Variants in USP28 observed in about 807,000 individuals in gnomAD.
The protein encoded by USP28 is ubiquitin specific peptidase 28.
In USP28, 113 loss-of-function variants were observed where a neutral mutation model predicts 145.0. The ratio of observed to expected loss-of-function variants is 0.78; its 90% CI spans 0.67 to 0.91. The LOEUF is 0.91. Among genes scored for constraint, USP28 ranks in the 40% least tolerant of loss-of-function variants. The pLI, the probability that USP28 is intolerant of heterozygous loss-of-function variation, is 0.00. For synonymous variants in USP28, 447 were observed against 450.9 expected (o/e 0.99, Z 0.11); for missense variants, 1,201 against 1,289.6 (o/e 0.93, Z 1.05).
exon 7 of USP28, chr11:113,833,448 C>G (rs759816464): frequency 1.2e-6 from 2 of 1,613,986 alleles, no homozygotes; most frequent in Admixed American, 1.7e-5. Flanking sequence ...TCGGAATGCT[C>G]CCTTTAATAG....
chr11:113,817,563 T>C, intron 13 of USP28, 95 bp downstream of exon 13: 1 of 1,410,366 alleles, frequency 7.1e-7, no homozygotes, highest in Non-Finnish European at 9.6e-7. Flanking sequence ...CCTGTGCTCT[T>C]ATAGGTGACT....
In USP28 at chr11:113,813,963, G is replaced by A. The variant is rs768066579; in HGVS notation, c.1673-8C>T. On this transcript the variant is annotated splice_region_variant and splice_polypyrimidine_tract_variant and intron_variant, in intron 14 of 24. Transcript: ENST00000003302. ...CAATACAAGTCTTTAAATCTGTTTG[G>A]AAAAAGAAAAACAAAAGCTTCACTA... 1.3e-6 allele frequency: 2 copies of A among 1,591,674 alleles called. No homozygotes were observed. The highest frequency in any genetic ancestry group is 1.7e-6 in the Non-Finnish European group (2 of 1,170,712).
chr11:113,852,194 A>G (rs187413664), intron 3 of USP28, among the ~76,000 whole-genome samples: 8 of 152,092 alleles, frequency 5.3e-5, no homozygotes, highest in South Asian at 2.1e-4. Context: ...ACACCCAGCT[A>G]ATTTTTTGTA....
chr11:113,815,125 A>G (rs752779277), intron 14 of USP28, 49 bp downstream of exon 14: 24 of 1,569,248 alleles, frequency 1.5e-5, no homozygotes, highest in Middle Eastern at 1.7e-4. Context: ...CCAAATAGTC[A>G]AAAAACAGAA....
intron 10 of USP28, chr11:113,828,972 T>A: frequency 1.5e-6 from 1 of 682,012 alleles, no homozygotes; most frequent in Non-Finnish European, 2.6e-6. Context: ...AGAAGCAGCA[T>A]ACAACCTTTA....
rs755379690 is a variant in USP28 at position 113,823,657 on chromosome 11, ACT to A, written c.1229_1230del (p.Glu410ValfsTer40). The A allele has an allele frequency of 1.4e-5, 22 of 1,612,272 alleles. No individual in the cohort carries two copies. Among genetic ancestry groups the A allele is most frequent in the Non-Finnish European group, 1.9e-5 (22 of 1,179,428 alleles). The stretch of plus-strand genomic sequence containing the variant: ...ATTTCCTCCTTCAACTTTCGAATAC[ACT>A]CTCTCTTATTTCGAATAAGCTCCTT... On this transcript the variant is annotated frameshift_variant, in exon 12 of 25. Transcript: ENST00000003302. LOFTEE classifies it high-confidence loss of function.
chr11:113,844,817 G>A (rs1347133429), intron 3 of USP28, among the ~76,000 whole-genome samples: 6 of 152,056 alleles, frequency 3.9e-5, no homozygotes. Flanking sequence ...TTAAGATGGT[G>A]CAACTGGCCA....
chr11:113,861,056 T>G (rs1251016283), intron 1 of USP28, among the ~76,000 whole-genome samples: 1 of 151,176 alleles, frequency 6.6e-6, no homozygotes, highest in African/African-American at 2.4e-5. Context: ...GAGGTGGAGG[T>G]TGCAGTGAGC....
At chr11:113,874,824 GATC>G (rs1949210647) in intron 1 of USP28, 32 of 1,052,676 alleles carry the variant, frequency 3.0e-5, no homozygotes, top group Non-Finnish European at 3.7e-5. Context: ...GGGAACAGGA[GATC>G]ATCATCAGTA....
intron 17 of USP28, 79 bp downstream of exon 17, chr11:113,808,984 G>A: frequency 1.4e-6 from 2 of 1,414,018 alleles, no homozygotes; most frequent in Non-Finnish European, 1.9e-6. Flanking sequence ...CACCTAGCCA[G>A]CTGAAGGGTA....
intron 15 of USP28, among the ~76,000 whole-genome samples, chr11:113,813,518 G>A (rs1277414540): frequency 6.6e-6 from 1 of 152,204 alleles, no homozygotes; most frequent in Non-Finnish European, 1.5e-5. Flanking sequence ...TAAAGATCTT[G>A]AAGAATCATG....
At chr11:113,834,520 T>C (rs576714512) in intron 5 of USP28, among the ~76,000 whole-genome samples, 185 bp from the exon 6 acceptor site, 190 of 152,334 alleles carry the variant, frequency 1.2e-3, no homozygotes, top group African/African-American at 4.1e-3. Flanking sequence ...CAAAGAATAT[T>C]AATACTTTTA....
chr11:113,806,720 T>C, intron 18 of USP28, 136 bp from the exon 20 acceptor site: 1 of 557,674 alleles, frequency 1.8e-6, no homozygotes, highest in Non-Finnish European at 3.1e-6. Flanking sequence ...TATTGCAAGC[T>C]GAGTTTCACA....
intron 5 of USP28, among the ~76,000 whole-genome samples, chr11:113,836,166 G>A (rs1273372607): frequency 1.3e-5 from 2 of 151,946 alleles, no homozygotes; most frequent in Non-Finnish European, 2.9e-5. Context: ...TTACCCAACC[G>A]CTGCTGCTTC....
intron 7 of USP28, 35 bp from the exon 8 acceptor site, chr11:113,832,028 T>A (rs1944051049): frequency 1.3e-6 from 2 of 1,557,124 alleles, no homozygotes; most frequent in Non-Finnish European, 1.8e-6. Flanking sequence ...AAAAGTTAGA[T>A]GCAATACTAA....
At chr11:113,824,327 T>G (rs1943045470) in intron 11 of USP28, among the ~76,000 whole-genome samples, 1 of 152,058 alleles carries the variant, frequency 6.6e-6, no homozygotes, top group Admixed American at 6.5e-5. Flanking sequence ...TCAATATTAT[T>G]ATTATTTTTG....
chr11:113,816,481 C>T (rs553815608), intron 13 of USP28, among the ~76,000 whole-genome samples: 146 of 152,226 alleles, frequency 9.6e-4, no homozygotes, highest in African/African-American at 3.3e-3. Flanking sequence ...CCACTGTACT[C>T]CAGCCTGGCG....
intron 11 of USP28, among the ~76,000 whole-genome samples, chr11:113,827,002 C>A (rs950841022): frequency 6.6e-6 from 1 of 151,944 alleles, no homozygotes; most frequent in Non-Finnish European, 1.5e-5. Flanking sequence ...TTCCTACCCC[C>A]AAAAGGAGGA....
intron 3 of USP28, among the ~76,000 whole-genome samples, chr11:113,851,936 C>T (rs1489182057): frequency 6.6e-6 from 1 of 152,170 alleles, no homozygotes; most frequent in Non-Finnish European, 1.5e-5. Flanking sequence ...CACTAAAAAA[C>T]AAGCTAAATG....
Sources: gnomAD v4.1 joint callset for allele counts (sites outside exome capture counted in the v4.1 genomes callset) on GRCh38, gnomAD v4.1.1 for gene constraint, MANE v1.5 for transcripts, NCBI Gene and HGNC (gene_info 2026-07-23, HGNC 2026-07-21) for gene names.